MMP24: variants seen among roughly 807,000 people sequenced by gnomAD.
MMP24 encodes matrix metallopeptidase 24, also known as matrix metalloproteinase-24.
In MMP24, 25 loss-of-function variants were observed where a neutral mutation model predicts 62.8. That is an observed-to-expected ratio of 0.40 (90% CI 0.29 to 0.56). The LOEUF is 0.56. MMP24 is among the 20% of genes least tolerant of loss of function. The probability of loss-of-function intolerance (pLI) is 0.50; values close to 1 mark genes in which losing one functional copy is unlikely to be tolerated. For missense variants in MMP24, 634 were observed against 853.6 expected (o/e 0.74, Z 3.21); for synonymous variants, 319 against 350.5 (o/e 0.91, Z 1.00).
intron 3 of MMP24, 102 bp downstream of exon 3, chr20:35,252,123 T>C: frequency 1.0e-6 from 1 of 966,918 alleles, no homozygotes; most frequent in South Asian, 1.4e-5. Context: ...GGCCTGGGGA[T>C]CAGGCTTACA....
chr20:35,274,667 G>A lies in MMP24; in HGVS notation c.*58G>A. ...GGCCAGCCAGGCCCTTCCTCACCAGGGTCTGAGGGGCAGCTCTGGCCAGTG... is the reference window on the plus strand; with the variant it reads ...GGCCAGCCAGGCCCTTCCTCACCAGAGTCTGAGGGGCAGCTCTGGCCAGTG... On this transcript the variant is annotated 3_prime_UTR_variant, in exon 9 of 9. Coordinates refer to ENST00000246186, the MANE Select transcript of MMP24 (RefSeq NM_006690.4). The surrounding 1 kb of genome is among the most constrained non-coding windows in gnomAD (Gnocchi z 5.1). The A allele has an allele frequency of 7.0e-7, 1 of 1,424,498 alleles. No individual in the cohort carries two copies. Among genetic ancestry groups the A allele is most frequent in the East Asian group, 2.5e-5 (1 of 40,392 alleles). 88.2% of individuals were successfully genotyped at this position (1,424,498 alleles called of 1,614,324 possible).
chr20:35,227,297 A>C (rs889411229), intron 1 of MMP24, among the ~76,000 whole-genome samples: 2 of 151,042 alleles, frequency 1.3e-5, no homozygotes, highest in Non-Finnish European at 2.9e-5. Flanking sequence ...TGCGAGGGAA[A>C]CCGTACAACG....
At chr20:35,239,195 C>T (rs1233342178) in intron 1 of MMP24, among the ~76,000 whole-genome samples, 2 of 151,842 alleles carry the variant, frequency 1.3e-5, no homozygotes, top group African/African-American at 2.4e-5. Context: ...TACAGGCGCA[C>T]GCCCGGCTAA....
chr20:35,259,113 G>A (rs562906788), intron 4 of MMP24, among the ~76,000 whole-genome samples: 5 of 152,156 alleles, frequency 3.3e-5, no homozygotes, highest in Non-Finnish European at 7.3e-5. Context: ...CCCGGGAGGC[G>A]GAGGTTCAAG....
chr20:35,261,443 CA>C (rs762392409), intron 4 of MMP24, among the ~76,000 whole-genome samples: 46 of 152,184 alleles, frequency 3.0e-4, no homozygotes, highest in Non-Finnish European at 5.9e-4. Context: ...CAAGTGAGGA[CA>C]TTGAGGCTTA....
At position 35,274,484 on chromosome 20, in the gene MMP24, G is replaced by T. The variant is rs368386809; in HGVS notation, c.1813G>T (p.Val605Leu). Residue 605 changes from valine (V) to leucine (L), a missense_variant, in exon 9 of 9, where the codon GTG becomes TTG. Physicochemically the swap from Val to Leu is conservative, Grantham distance 32. This residue lies in a region of MMP24 where 399 missense variants were observed against 530.8 expected (regional missense o/e 0.75). Transcript: ENST00000246186. The surrounding 1 kb of genome is among the most constrained non-coding windows in gnomAD (Gnocchi z 5.1). ...DVPGSVNAVA[V>L]VIPCILSLCI... ...GCCGGGCTCCGTGAACGCCGTGGCC[G>T]TGGTCATCCCCTGCATCCTGTCCCT... 6.2e-7 allele frequency: 1 copy of T among 1,614,030 alleles called. No homozygotes were observed. The highest frequency in any genetic ancestry group is 2.2e-5 in the East Asian group (1 of 44,882).
At chr20:35,253,618 T>C (rs2060559860) in intron 3 of MMP24, among the ~76,000 whole-genome samples, 1 of 152,088 alleles carries the variant, frequency 6.6e-6, no homozygotes, top group Non-Finnish European at 1.5e-5. Context: ...AGTAACGTTG[T>C]TTTGTGAAGA....
At chr20:35,230,290 C>A (rs955672402) in intron 1 of MMP24, among the ~76,000 whole-genome samples, 5 of 152,120 alleles carry the variant, frequency 3.3e-5, no homozygotes, top group Admixed American at 6.6e-5. Flanking sequence ...GTGCCCAGCC[C>A]TATTTATTTT....
chr20:35,244,705 G>T (rs1436977242), intron 1 of MMP24, among the ~76,000 whole-genome samples: 2 of 152,156 alleles, frequency 1.3e-5, no homozygotes, highest in Non-Finnish European at 2.9e-5. Context: ...CTTCCAAAGT[G>T]CTGAGATTAC....
intron 2 of MMP24, among the ~76,000 whole-genome samples, chr20:35,249,784 G>A (rs1311009802): frequency 6.6e-6 from 1 of 150,396 alleles, no homozygotes; most frequent in South Asian, 2.1e-4. Context: ...TAGTACAGAC[G>A]GGGTTTCACC....
rs989047447 is a variant in MMP24 at position 35,271,465 on chromosome 20, C to T, written c.1334-104C>T. 1.4e-6 allele frequency: 2 copies of T among 1,413,334 alleles called. No individual in the cohort carries two copies. The highest frequency in any genetic ancestry group is 1.4e-5 in the South Asian group (1 of 69,396). 87.5% of individuals were successfully genotyped at this position (1,413,334 alleles called of 1,614,324 possible). On this transcript the variant is annotated intron_variant, in intron 7 of 8. Transcript: ENST00000246186. The surrounding 1 kb of genome is among the most constrained non-coding windows in gnomAD (Gnocchi z 4.0). ...CGTGCCCTTCCCAACTCTAACTGGG[C>T]CAAGGGGCTGAGGGCATCAGACTGT...
intron 5 of MMP24, among the ~76,000 whole-genome samples, chr20:35,266,665 C>A (rs1259903233): frequency 6.6e-6 from 1 of 152,172 alleles, no homozygotes; most frequent in Non-Finnish European, 1.5e-5. Context: ...TTCAGACCAG[C>A]AGCATCAGCA....
intron 4 of MMP24, chr20:35,256,306 A>C (rs1223673453): frequency 6.6e-6 from 1 of 152,234 alleles, no homozygotes; most frequent in Non-Finnish European, 1.5e-5. Flanking sequence ...TGAATGGTGA[A>C]ATAAGGCTTT....
rs757852574 is a variant in MMP24, at chr20:35,274,616, CA to C, written c.*8del. 3 of 1,591,812 alleles carry C rather than the reference CA, an allele frequency of 1.9e-6. No homozygotes were observed. The highest frequency in any genetic ancestry group is 1.7e-5 in the Admixed American group (1 of 57,398). On this transcript the variant is annotated 3_prime_UTR_variant, in exon 9 of 9. Transcript: ENST00000246186. This position sits in a 1 kb window ranked among gnomAD's most constrained non-coding sequence, Gnocchi z 5.1. ...AGTCCAGGAATGGGTGTGAGCAGCCCAGAGCCCTCTCTATCCACTTGGTCTG... is the reference window on the plus strand; with the variant it reads ...AGTCCAGGAATGGGTGTGAGCAGCCCGAGCCCTCTCTATCCACTTGGTCTG...
intron 1 of MMP24, among the ~76,000 whole-genome samples, chr20:35,235,225 G>A (rs866711098): frequency 2.0e-5 from 3 of 152,046 alleles, no homozygotes; most frequent in East Asian, 3.9e-4. Flanking sequence ...GCAACATGGC[G>A]AAACCCTATC....
Position 35,271,317 on chromosome 20 carries a change from C to A in MMP24, c.1334-252C>A, listed in dbSNP as rs2060667912. On this transcript the variant is annotated intron_variant, in intron 7 of 8. Transcript: ENST00000246186. This position sits in a 1 kb window ranked among gnomAD's most constrained non-coding sequence, Gnocchi z 4.0. ...GGGAGTGGTAGTGCATATGCAAAGTCATGTAAGTGGCTGAGATCACCAGAG... is the reference window on the plus strand; with the variant it reads ...GGGAGTGGTAGTGCATATGCAAAGTAATGTAAGTGGCTGAGATCACCAGAG... Among the ~76,000 whole-genome samples the A allele has an allele frequency of 6.6e-6, 1 of 152,118 alleles. No individual in the cohort carries two copies.
intron 1 of MMP24, among the ~76,000 whole-genome samples, chr20:35,238,093 G>A (rs907917182): frequency 1.7e-4 from 26 of 152,172 alleles, no homozygotes; most frequent in African/African-American, 6.0e-4. Flanking sequence ...GCTCAAGTTA[G>A]GATTGACCAA....
intron 2 of MMP24, 29 bp downstream of exon 2, chr20:35,247,017 T>TAA (rs1390503964): frequency 6.2e-7 from 1 of 1,612,768 alleles, no homozygotes; most frequent in East Asian, 2.2e-5. Context: ...ATTGTGCCTT[T>TAA]GAACTTTCTG....
chr20:35,269,847 C>T lies in MMP24; in HGVS notation c.1282C>T (p.Arg428Cys), dbSNP rs748724285. Residue 428 changes from arginine to cysteine, a missense_variant, in exon 7 of 9, where the codon CGC becomes TGC. Physicochemically the swap from Arg to Cys is radical, Grantham distance 180. Around this residue, in one of 3 missense-constraint regions of MMP24, gnomAD observed 399 missense variants for 530.8 expected, o/e 0.75. Coordinates refer to ENST00000246186, the MANE Select transcript of MMP24 (RefSeq NM_006690.4). The surrounding 1 kb of genome is among the most constrained non-coding windows in gnomAD (Gnocchi z 4.6). Reference sequence around the variant, plus strand: ...GCAGTTCTGGAAGGGCCTGCCTGCCCGCATCGACGCAGCCTATGAAAGGGC... The same window carrying T: ...GCAGTTCTGGAAGGGCCTGCCTGCCTGCATCGACGCAGCCTATGAAAGGGC... ...IEQFWKGLPA[R>C]IDAAYERADG... 27 of 1,553,994 alleles carry T rather than the reference C, an allele frequency of 1.7e-5. No individual in the cohort carries two copies. The Admixed American group carries it at 3.1e-4, about 18-fold the overall frequency.
Sources: allele counts gnomAD v4.1 joint callset (sites outside exome capture counted in the v4.1 genomes callset), GRCh38; gene constraint gnomAD v4.1.1; regional missense constraint gnomAD v4.1.1; non-coding constraint Gnocchi (gnomAD v3.1); transcripts MANE v1.5; gene names NCBI Gene and HGNC (gene_info 2026-07-23, HGNC 2026-07-21).